TRPV3: variants seen among roughly 807,000 people sequenced by gnomAD.
TRPV3 encodes the protein VRL-3.
TRPV3 carries 88 observed loss-of-function variants against 87.1 expected under a neutral mutation model. The observed-to-expected ratio is 1.01, with a 90% CI of 0.85 to 1.21. The LOEUF is 1.21. TRPV3 is among the 50% of genes most tolerant of loss of function. The probability of loss-of-function intolerance (pLI) is 0.00; values close to 1 mark genes in which losing one functional copy is unlikely to be tolerated. For missense variants in TRPV3, 1,054 were observed against 1,030.1 expected (o/e 1.02, Z -0.32); for synonymous variants, 438 against 423.3 (o/e 1.03, Z -0.43).
At position 3,528,282 on chromosome 17, in the gene TRPV3, C is replaced by T. The variant is rs2074318035; in HGVS notation, c.1402-156G>A. Among the ~76,000 whole-genome samples the T allele has an allele frequency of 6.6e-6, 1 of 152,170 alleles. No homozygotes were observed. The highest frequency in any genetic ancestry group is 2.1e-4 in the South Asian group (1 of 4,826). On this transcript the variant is annotated intron_variant, in intron 10 of 17. Coordinates refer to ENST00000576742, the MANE Select transcript of TRPV3 (RefSeq NM_145068.4). The surrounding 1 kb of genome is among the most constrained non-coding windows in gnomAD (Gnocchi z 4.2). ...TACAGGGCAAGAGAAGGAAGAGCAGCTCCCTGACCCCAACTCTCCTCACCC... is the reference window on the plus strand; with the variant it reads ...TACAGGGCAAGAGAAGGAAGAGCAGTTCCCTGACCCCAACTCTCCTCACCC...
At position 3,513,526 on chromosome 17, in the gene TRPV3, A is replaced by C; in HGVS notation, c.*391T>G. 5.6e-6 allele frequency: 1 copy of C among 177,428 alleles called. No homozygotes were observed. Among genetic ancestry groups the C allele is most frequent in the Non-Finnish European group, 1.2e-5 (1 of 82,906 alleles). 11.0% of individuals were successfully genotyped at this position (177,428 alleles called of 1,614,324 possible). A position where few individuals can be genotyped will look rare whatever the true frequency, so the allele number is the denominator to read the frequency against. The stretch of plus-strand genomic sequence containing the variant: ...GGGCTGGGGTTGGGGCTGACGGGGG[A>C]AGCTGGCAGGAGGAAAGACTCCTCT... On this transcript the variant is annotated 3_prime_UTR_variant, in exon 18 of 18. Coordinates refer to ENST00000576742, the MANE Select transcript of TRPV3 (RefSeq NM_145068.4).
At position 3,542,678 on chromosome 17, in the gene TRPV3, T is replaced by C. The variant is rs2074478281; in HGVS notation, c.487A>G (p.Thr163Ala). The change falls in exon 6 of 18, where the codon ACG becomes GCG. Residue 163 changes from threonine to alanine, a missense_variant. By Grantham distance (58) the Thr-to-Ala change is moderately conservative (BLOSUM62 0). Transcript: ENST00000576742. ...CAGGTCTTCCCCGTGTCGGAGGCCGTCAGCTTGTGCATGAGGAAGTCTGCA... is the reference window on the plus strand; with the variant it reads ...CAGGTCTTCCCCGTGTCGGAGGCCGCCAGCTTGTGCATGAGGAAGTCTGCA... ...DVPDFLMHKL[T>A]ASDTGKTCLM... is the part of the protein sequence containing the mutation. 1 of 1,613,950 alleles carries C rather than the reference T, an allele frequency of 6.2e-7. No homozygotes were observed. The highest frequency in any genetic ancestry group is 8.5e-7 in the Non-Finnish European group (1 of 1,179,910).
rs572591421 is a variant in TRPV3, at chr17:3,519,640, G to A, written c.1811-790C>T. ...TGGATGGATGGATGGATGATTAGAT[G>A]GATGATTAGATGGATGGATGGACTG... On this transcript the variant is annotated intron_variant, in intron 14 of 17. Transcript: ENST00000576742. Among the ~76,000 whole-genome samples, 3 of 141,836 alleles carry A rather than the reference G, an allele frequency of 2.1e-5. No homozygotes were observed. In the East Asian group the frequency reaches 7.4e-4, roughly 35 times the overall value. The allele number at this position is 141,836 out of a possible 152,430, so 93.0% of individuals were successfully genotyped here.
intron 12 of TRPV3, among the ~76,000 whole-genome samples, chr17:3,525,219 C>T (rs879598937): frequency 6.6e-5 from 10 of 152,160 alleles, no homozygotes; most frequent in Non-Finnish European, 1.0e-4. Flanking sequence ...GGGGTTTCAC[C>T]ATGTTGGCCA....
At chr17:3,531,005 A>T (rs1174013592) in intron 8 of TRPV3, among the ~76,000 whole-genome samples, 2 of 151,826 alleles carry the variant, frequency 1.3e-5, no homozygotes, top group Admixed American at 1.3e-4. Context: ...GCCGTGAGCC[A>T]TGATTGCGCC....
chr17:3,542,615 T>A lies in TRPV3; in HGVS notation c.550A>T (p.Lys184Ter), dbSNP rs759628055. The A allele has an allele frequency of 2.6e-5, 42 of 1,613,982 alleles. No homozygotes were observed. In the East Asian group the frequency reaches 9.4e-4, roughly 36 times the overall value. ...KALLNINPNT[K>*]EIVRILLAFA... is the part of the protein sequence containing the mutation. Reference sequence around the variant, plus strand: ...GCAAGCAGGATCCGCACTATCTCCTTGGTGTTGGGGTTGATGTTTAACAAG... The same window carrying A: ...GCAAGCAGGATCCGCACTATCTCCTAGGTGTTGGGGTTGATGTTTAACAAG... Residue 184 changes from lysine to a stop codon, truncating the protein, a stop_gained, in exon 6 of 18, where the codon AAG (lysine) becomes TAG (stop). Transcript: ENST00000576742. LOFTEE classifies it high-confidence loss of function.
In TRPV3 at chr17:3,513,842, C is replaced by T; in HGVS notation, c.*75G>A. On this transcript the variant is annotated 3_prime_UTR_variant, in exon 18 of 18. Coordinates refer to ENST00000576742, the MANE Select transcript of TRPV3 (RefSeq NM_145068.4). ...AGCCGGACTCCACCATCCCTCAAAG[C>T]CTCTCTGCACAGAGTCGGTGACTCC... The T allele has an allele frequency of 7.7e-7, 1 of 1,295,166 alleles. No individual in the cohort carries two copies. Among genetic ancestry groups the T allele is most frequent in the Non-Finnish European group, 1.1e-6 (1 of 905,450 alleles). 80.2% of individuals were successfully genotyped at this position (1,295,166 alleles called of 1,614,324 possible).
At chr17:3,538,105 G>GTTC (rs2074424788) in intron 6 of TRPV3, among the ~76,000 whole-genome samples, 1 of 151,808 alleles carries the variant, frequency 6.6e-6, no homozygotes, top group Non-Finnish European at 1.5e-5. Context: ...GGCTGAGGCA[G>GTTC]GAGAATGGTG....
intron 7 of TRPV3, among the ~76,000 whole-genome samples, chr17:3,533,199 G>T (rs1050432067): frequency 3.3e-5 from 5 of 152,112 alleles, no homozygotes; most frequent in Non-Finnish European, 2.9e-5. Flanking sequence ...GCCTCCCCCA[G>T]AATGAAAGCA....
rs322937 is a variant in TRPV3, at chr17:3,543,591, T to G, written c.349A>C (p.Arg117=). The change falls in exon 5 of 18, where the codon AGG becomes CGG. Residue 117 remains arginine, a synonymous_variant. Transcript: ENST00000576742. ...GCAAAGATGCGCTTCTTCAGCCGCC[T>G]CTTTTTCCTCCTCTGCTCTTCCTTG... is the stretch of plus-strand genomic sequence containing the variant. ...LAKEEQRRKK[R]RLKKRIFAAV... is the part of the protein sequence containing the mutation. 20 of 1,613,884 alleles carry G rather than the reference T, an allele frequency of 1.2e-5. No individual in the cohort carries two copies. The highest frequency in any genetic ancestry group is 1.7e-5 in the Admixed American group (1 of 59,994).
chr17:3,531,418 C>T lies in TRPV3; in HGVS notation c.1066-1215G>A, dbSNP rs542370765. 5.9e-5 allele frequency among the ~76,000 whole-genome samples: 9 copies of T among 151,532 alleles called. No individual in the cohort carries two copies. In the South Asian group the frequency reaches 1.3e-3, roughly 21 times the overall value. On this transcript the variant is annotated intron_variant, in intron 8 of 17. Coordinates refer to ENST00000576742, the MANE Select transcript of TRPV3 (RefSeq NM_145068.4). ...TTCTAGGGATAAGGCCAGGTCTCTC[C>T]GCCCCGCACCCCAGCCTATAAAAGC... is the stretch of plus-strand genomic sequence containing the variant.
chr17:3,526,093 A>G (rs964188293), intron 12 of TRPV3, among the ~76,000 whole-genome samples: 5 of 152,234 alleles, frequency 3.3e-5, no homozygotes, highest in African/African-American at 9.6e-5. Flanking sequence ...AAGTCACAAC[A>G]CAGGCACGAT....
chr17:3,542,736 C>G (rs1439040028), intron 5 of TRPV3, 38 bp from the exon 6 acceptor site: 1 of 1,598,824 alleles, frequency 6.3e-7, no homozygotes, highest in Non-Finnish European at 8.5e-7. Context: ...CAGGAGGGCC[C>G]CGGCTGCCCT....
chr17:3,520,915 G>T, intron 14 of TRPV3, 58 bp downstream of exon 14: 1 of 1,236,432 alleles, frequency 8.1e-7, no homozygotes, highest in South Asian at 1.3e-5. Context: ...TTGCCATTTT[G>T]ACATCTGTAT....
intron 2 of TRPV3, among the ~76,000 whole-genome samples, chr17:3,550,599 A>G (rs535450080): frequency 1.2e-3 from 162 of 134,856 alleles, no homozygotes; most frequent in African/African-American, 4.4e-3. Flanking sequence ...ATCTCAGCTC[A>G]CTGCAAGCTC....
chr17:3,544,653 GT>G lies in TRPV3; in HGVS notation c.236del (p.Asn79ThrfsTer15). 1 of 1,609,598 alleles carries G rather than the reference GT, an allele frequency of 6.2e-7. No homozygotes were observed. Among genetic ancestry groups the G allele is most frequent in the Admixed American group, 1.7e-5 (1 of 59,750 alleles). On this transcript the variant is annotated frameshift_variant, in exon 4 of 18. Coordinates refer to ENST00000576742, the MANE Select transcript of TRPV3 (RefSeq NM_145068.4). LOFTEE classifies it high-confidence loss of function. ...ACTGGGGGGAGTCCATGTCATCACAGTTACCAGAGATGCTGGAGGTGTTGGC... is the reference window on the plus strand; with the variant it reads ...ACTGGGGGGAGTCCATGTCATCACAGTACCAGAGATGCTGGAGGTGTTGGC... ...DSNIRQCISG[N>X]CDDMDSPQSP...
Position 3,511,360 on chromosome 17 carries a change from A to C in TRPV3, c.*2557T>G, listed in dbSNP as rs2074111071. On this transcript the variant is annotated 3_prime_UTR_variant, in exon 18 of 18. Transcript: ENST00000576742. Reference sequence around the variant, plus strand: ...AACTGTGCTTTTTAAAAATAAATAAATAATGGCTCAGGGAGACATCTGTGG... The same window carrying C: ...AACTGTGCTTTTTAAAAATAAATAACTAATGGCTCAGGGAGACATCTGTGG... 6.6e-6 allele frequency: 1 copy of C among 152,220 alleles called. No individual in the cohort carries two copies. The highest frequency in any genetic ancestry group is 1.5e-5 in the Non-Finnish European group (1 of 68,060). 9.4% of individuals were successfully genotyped at this position (152,220 alleles called of 1,614,324 possible).
Position 3,557,365 on chromosome 17 carries a change from A to G in TRPV3, c.-3+311T>C, listed in dbSNP as rs1567648773. ...CCTCCCTGGGTCAGCCTCGGGAGGC[A>G]GGAGCCTCTCCTCTGCCCCCAGCAG... On this transcript the variant is annotated intron_variant, in intron 1 of 17. Coordinates refer to ENST00000576742, the MANE Select transcript of TRPV3 (RefSeq NM_145068.4). The surrounding 1 kb of genome is among the most constrained non-coding windows in gnomAD (Gnocchi z 4.5). Among the ~76,000 whole-genome samples, 1 of 152,186 alleles carries G rather than the reference A, an allele frequency of 6.6e-6. No individual in the cohort carries two copies. Among genetic ancestry groups the G allele is most frequent in the Non-Finnish European group, 1.5e-5 (1 of 68,016 alleles).
At chr17:3,521,110 T>TGGGGGGG in intron 13 of TRPV3, 71 bp from the exon 14 acceptor site, 1 of 667,462 alleles carries the variant, frequency 1.5e-6, no homozygotes, top group Non-Finnish European at 2.6e-6. Flanking sequence ...TCTTCCTGCT[T>TGGGGGGG]CCCACCCTCT....
Sources: allele counts gnomAD v4.1 joint callset (sites outside exome capture counted in the v4.1 genomes callset), GRCh38; gene constraint gnomAD v4.1.1; non-coding constraint Gnocchi (gnomAD v3.1); transcripts MANE v1.5; gene names NCBI Gene and HGNC (gene_info 2026-07-23, HGNC 2026-07-21).